UEVLD: variants seen among roughly 807,000 people sequenced by gnomAD.
UEVLD encodes UEV and lactate/malate dehyrogenase domains, also known as ubiquitin-conjugating enzyme E2 variant 3.
UEVLD carries 47 observed loss-of-function variants against 58.6 expected under a neutral mutation model. The observed-to-expected ratio is 0.80, with a 90% CI of 0.63 to 1.02. The LOEUF is 1.02. UEVLD is among the 50% of genes least tolerant of loss of function. The pLI is 0.00. For synonymous variants in UEVLD, 197 were observed against 195.3 expected, an observed-to-expected ratio of 1.01 and a Z score of -0.07; for missense variants, 510 against 550.6, an observed-to-expected ratio of 0.93 and a Z score of 0.74.
chr11:18,570,796 C>T (rs1242526846), intron 3 of UEVLD: 2 of 145,050 alleles, frequency 1.4e-5, no homozygotes, highest in African/African-American at 5.1e-5. Context: ...GTCAGGTTTA[C>T]ATATAAAGGA....
intron 5 of UEVLD, among the ~76,000 whole-genome samples, chr11:18,565,451 T>G (rs1191292162): frequency 2.0e-5 from 3 of 152,170 alleles, no homozygotes; most frequent in African/African-American, 7.2e-5. Context: ...ATACATATCA[T>G]GAAAAAAAGT....
intron 7 of UEVLD, among the ~76,000 whole-genome samples, chr11:18,547,323 C>G (rs935417328): frequency 1.3e-5 from 2 of 152,102 alleles, no homozygotes; most frequent in African/African-American, 4.8e-5. Flanking sequence ...GCCAGGAGTT[C>G]AAGACCAGCC....
chr11:18,558,428 T>A, intron 6 of UEVLD, 98 bp from the exon 7 acceptor site: 1 of 659,302 alleles, frequency 1.5e-6, no homozygotes, highest in Non-Finnish European at 2.5e-6. Flanking sequence ...ACAGGCCTCA[T>A]ACACTGTCTT....
chr11:18,581,592 G>A (rs1853241720), intron 1 of UEVLD, among the ~76,000 whole-genome samples: 1 of 151,826 alleles, frequency 6.6e-6, no homozygotes, highest in Non-Finnish European at 1.5e-5. Context: ...GCTGAGGCAG[G>A]AGAATCACTT....
intron 8 of UEVLD, among the ~76,000 whole-genome samples, chr11:18,545,074 A>ATATATAT (rs1345787784): frequency 2.5e-4 from 21 of 84,558 alleles, no homozygotes; most frequent in East Asian, 6.6e-4. Flanking sequence ...CTATATCTAT[A>ATATATAT]TTTTTTTTTT....
At chr11:18,575,151 T>C (rs1852835113) in intron 3 of UEVLD, among the ~76,000 whole-genome samples, 196 bp downstream of exon 3, 1 of 152,192 alleles carries the variant, frequency 6.6e-6, no homozygotes, top group Non-Finnish European at 1.5e-5. Context: ...TAGTTGATAG[T>C]AAGTATTTGT....
chr11:18,545,208 G>A (rs1326237052), intron 8 of UEVLD, among the ~76,000 whole-genome samples: 2 of 150,570 alleles, frequency 1.3e-5, no homozygotes, highest in Non-Finnish European at 3.0e-5. Flanking sequence ...GAGTAGCTGG[G>A]ACTATAGGCA....
chr11:18,535,001 G>T (rs978961440), intron 10 of UEVLD, among the ~76,000 whole-genome samples: 12 of 152,188 alleles, frequency 7.9e-5, no homozygotes, highest in African/African-American at 2.9e-4. Flanking sequence ...ACCAAGCGTA[G>T]TACCATGTAG....
intron 6 of UEVLD, among the ~76,000 whole-genome samples, chr11:18,562,882 C>CA (rs1396370881): frequency 6.6e-6 from 1 of 151,626 alleles, no homozygotes; most frequent in Non-Finnish European, 1.5e-5. Flanking sequence ...CCTATCTCTA[C>CA]AAAAAAACTA....
rs1214910959 is a variant in UEVLD, at chr11:18,547,063, A to G, written c.716-13T>C. On this transcript the variant is annotated splice_polypyrimidine_tract_variant and intron_variant, in intron 7 of 11. Coordinates refer to ENST00000396197, the MANE Select transcript of UEVLD (RefSeq NM_001040697.4). ...GAGGCAGACAAATCTAGTGAATGAA[A>G]AGAAACAGTCTGAGCTGAAGATACA... 1 of 1,607,616 alleles carries G rather than the reference A, an allele frequency of 6.2e-7. No homozygotes were observed. Among genetic ancestry groups the G allele is most frequent in the East Asian group, 2.2e-5 (1 of 44,846 alleles).
rs1377615761 is a variant in UEVLD, at chr11:18,562,142, C to A, written c.612+2750G>T. 3.3e-5 allele frequency among the ~76,000 whole-genome samples: 5 copies of A among 152,106 alleles called. No homozygotes were observed. The East Asian group carries it at 9.6e-4, about 29-fold the overall frequency. ...CTGTGTCGCCCAGGCTAGAGTGCAA[C>A]TGCACAATCGCAGCTCACTGCAGCC... On this transcript the variant is annotated intron_variant, in intron 6 of 11. Transcript: ENST00000396197.
intron 3 of UEVLD, 67 bp from the exon 4 acceptor site, chr11:18,570,444 C>A: frequency 7.1e-7 from 1 of 1,400,268 alleles, no homozygotes; most frequent in Non-Finnish European, 9.4e-7. Context: ...TATAGCTAGG[C>A]GGCATTTTAA....
At chr11:18,555,499 A>G (rs1480053697) in intron 7 of UEVLD, among the ~76,000 whole-genome samples, 1 of 150,912 alleles carries the variant, frequency 6.6e-6, no homozygotes, top group African/African-American at 2.4e-5. Flanking sequence ...GAGATAGGAG[A>G]ATCACTTGAG....
At chr11:18,544,943 T>C (rs1424306879) in intron 8 of UEVLD, 147 bp from the exon 9 acceptor site, 1 of 450,124 alleles carries the variant, frequency 2.2e-6, no homozygotes, top group African/African-American at 2.1e-5. Flanking sequence ...CACACATATA[T>C]ACATATATAT....
chr11:18,545,410 G>A (rs1164730051), intron 8 of UEVLD, among the ~76,000 whole-genome samples: 2 of 149,552 alleles, frequency 1.3e-5, no homozygotes, highest in African/African-American at 4.9e-5. Context: ...CACTAACAAG[G>A]TTTCAACAAG....
chr11:18,564,898 T>A lies in UEVLD; in HGVS notation c.606A>T (p.Ser202=), dbSNP rs1396511220. 6.2e-7 allele frequency: 1 copy of A among 1,609,154 alleles called. No individual in the cohort carries two copies. Among genetic ancestry groups the A allele is most frequent in the Non-Finnish European group, 8.5e-7 (1 of 1,175,778 alleles). Reference sequence around the variant, plus strand: ...AACCACTATGTTTACATACCTTTGCTGAAATTGCTAATGTGCAGGCAATAC... The same window carrying A: ...AACCACTATGTTTACATACCTTTGCAGAAATTGCTAATGTGCAGGCAATAC... ...ELGIACTLAI[S]AKGIADRLVL... The change falls in exon 6 of 12, where the codon TCA becomes TCT. Residue 202 remains serine, a synonymous_variant. Transcript: ENST00000396197.
chr11:18,578,830 T>C (rs369349270), intron 1 of UEVLD, 22 bp from the exon 2 acceptor site: 1 of 1,519,644 alleles, frequency 6.6e-7, no homozygotes, highest in African/African-American at 1.4e-5. Context: ...AAAATAAGCA[T>C]GGAGTAAGAA....
Position 18,575,657 on chromosome 11 carries a change from TA to T in UEVLD, c.128-246del, listed in dbSNP as rs1852868538. 2.0e-5 allele frequency among the ~76,000 whole-genome samples: 3 copies of T among 152,224 alleles called. No individual in the cohort carries two copies. In the South Asian group the frequency reaches 6.2e-4, roughly 32 times the overall value. ...ACTTTGATACTGAAACCCCAAGTTC[TA>T]GGGCCACCTTCCCCACTTAGAGGAA... On this transcript the variant is annotated intron_variant, in intron 2 of 11. Coordinates refer to ENST00000396197, the MANE Select transcript of UEVLD (RefSeq NM_001040697.4).
rs780283963 is a variant in UEVLD, at chr11:18,544,693, AAT to A, written c.988_989del (p.Ile330TyrfsTer66). Reference sequence around the variant, plus strand: ...AAGTCTGTGCCTTCAAAACATTTGTAATAATATACTGTAATCTCTGTGAATCC... The same window carrying A: ...AAGTCTGTGCCTTCAAAACATTTGTAAATATACTGTAATCTCTGTGAATCC... ...NLDSQRLQYIITNVLKAQTSG... is the reference protein window; with the variant it reads ...NLDSQRLQYIXTNVLKAQTSG... On this transcript the variant is annotated frameshift_variant, in exon 9 of 12. Transcript: ENST00000396197. LOFTEE classifies it high-confidence loss of function. 1.3e-5 allele frequency: 21 copies of A among 1,589,150 alleles called. No homozygotes were observed. Among genetic ancestry groups the A allele is most frequent in the Non-Finnish European group, 1.7e-5 (20 of 1,172,100 alleles).
Sources: allele counts gnomAD v4.1 joint callset (sites outside exome capture counted in the v4.1 genomes callset), GRCh38; gene constraint gnomAD v4.1.1; transcripts MANE v1.5; gene names NCBI Gene and HGNC (gene_info 2026-07-23, HGNC 2026-07-21).